The following ACER3 variants were observed in gnomAD, a reference collection of about 807,000 sequenced individuals.
ACER3 encodes alkCDase 3.
ACER3 carries 16 observed loss-of-function variants against 48.9 expected under a neutral mutation model. The observed-to-expected ratio is 0.33, with a 90% CI of 0.22 to 0.50. ACER3 has a LOEUF of 0.50. Among genes scored for constraint, ACER3 ranks in the 20% least tolerant of loss-of-function variants. ACER3 has a pLI of 0.98. For synonymous variants in ACER3, 109 were observed against 107.8 expected, an observed-to-expected ratio of 1.01 and a Z score of -0.07; for missense variants, 227 against 326.0, an observed-to-expected ratio of 0.70 and a Z score of 2.34.
At chr11:76,996,432 T>A (rs113340341) in intron 6 of ACER3, among the ~76,000 whole-genome samples, 107 of 142,776 alleles carry the variant, frequency 7.5e-4, no homozygotes, top group African/African-American at 2.2e-3. Context: ...TATTATTATT[T>A]TTTGAGACAG....
chr11:76,920,606 G>T (rs1480373987), intron 1 of ACER3, among the ~76,000 whole-genome samples: 1 of 147,846 alleles, frequency 6.8e-6, no homozygotes, highest in Non-Finnish European at 1.5e-5. Flanking sequence ...AAATTACTCT[G>T]GTTTATCTTT....
chr11:76,919,505 G>T (rs1456032623), intron 1 of ACER3, among the ~76,000 whole-genome samples: 2 of 152,058 alleles, frequency 1.3e-5, no homozygotes, highest in African/African-American at 2.4e-5. Flanking sequence ...GTGTTTGGGG[G>T]TATAAAAATA....
chr11:76,965,714 C>T (rs2135087349), intron 3 of ACER3, among the ~76,000 whole-genome samples: 1 of 151,064 alleles, frequency 6.6e-6, no homozygotes, highest in East Asian at 1.9e-4. Flanking sequence ...AACTAAGCTT[C>T]ATAAGTGAAG....
chr11:76,954,034 G>A (rs978810238), intron 2 of ACER3, among the ~76,000 whole-genome samples: 1 of 148,342 alleles, frequency 6.7e-6, no homozygotes, highest in South Asian at 2.1e-4. Context: ...CACAACCTCC[G>A]CCACCCAGGT....
In ACER3 at chr11:76,938,703, G is replaced by A. The variant is rs144551452; in HGVS notation, c.214+12036G>A. On this transcript the variant is annotated intron_variant, in intron 2 of 10. Transcript: ENST00000532485. ...ACAGATTTGGATGAGCGAAGGCAAG[G>A]AAAAAACCCTGTGGTACTGGATTGG... Among the ~76,000 whole-genome samples, 34 of 152,178 alleles carry A rather than the reference G, an allele frequency of 2.2e-4. 1 individual carries two copies. In the East Asian group the frequency reaches 5.8e-3, roughly 26 times the overall value.
chr11:76,863,394 G>T (rs1385667857), intron 1 of ACER3, among the ~76,000 whole-genome samples: 4 of 152,136 alleles, frequency 2.6e-5, no homozygotes, highest in Non-Finnish European at 5.9e-5. Flanking sequence ...GGAGGGTTTT[G>T]ACATAGGAAT....
intron 2 of ACER3, among the ~76,000 whole-genome samples, chr11:76,934,742 G>A (rs1001680700): frequency 3.6e-4 from 50 of 137,404 alleles, no homozygotes; most frequent in Admixed American, 7.4e-4. Flanking sequence ...GAGAGGGAGA[G>A]GGAGACCGTG....
intron 3 of ACER3, among the ~76,000 whole-genome samples, chr11:76,964,860 G>GA (rs1948096792): frequency 6.6e-6 from 1 of 151,174 alleles, no homozygotes; most frequent in South Asian, 2.1e-4. Context: ...ATGAAGATGG[G>GA]AAAAAACAGA....
intron 2 of ACER3, among the ~76,000 whole-genome samples, chr11:76,928,976 A>C (rs920164418): frequency 3.3e-5 from 5 of 152,154 alleles, no homozygotes; most frequent in Admixed American, 6.5e-5. Context: ...ACTTTAAAGT[A>C]GGTTTTTCCA....
intron 7 of ACER3, among the ~76,000 whole-genome samples, chr11:77,007,723 C>G (rs1949183364): frequency 6.6e-6 from 1 of 152,168 alleles, no homozygotes; most frequent in Non-Finnish European, 1.5e-5. Flanking sequence ...GAATAAGGAA[C>G]TAATTACTGT....
intron 3 of ACER3, among the ~76,000 whole-genome samples, chr11:76,964,231 G>C (rs1247869992): frequency 3.3e-5 from 5 of 151,366 alleles, no homozygotes; most frequent in Non-Finnish European, 7.3e-5. Context: ...ACAGCAGTCT[G>C]AGATCAAATT....
chr11:76,979,376 G>A (rs1428756597), intron 4 of ACER3, among the ~76,000 whole-genome samples: 1 of 152,148 alleles, frequency 6.6e-6, no homozygotes, highest in Non-Finnish European at 1.5e-5. Context: ...AACAATAAAA[G>A]TAAGAATGCC....
intron 2 of ACER3, among the ~76,000 whole-genome samples, chr11:76,956,274 G>C (rs1947836624): frequency 6.6e-6 from 1 of 152,156 alleles, no homozygotes; most frequent in Non-Finnish European, 1.5e-5. Context: ...ATTGCATAGA[G>C]AATGCTGTTC....
At chr11:76,972,736 G>A (rs1371409285) in intron 3 of ACER3, among the ~76,000 whole-genome samples, 1 of 152,054 alleles carries the variant, frequency 6.6e-6, no homozygotes, top group Admixed American at 6.5e-5. Flanking sequence ...GGGTGCATGT[G>A]TCTCCCTCGA....
chr11:76,891,671 C>T (rs1322864322), intron 1 of ACER3, among the ~76,000 whole-genome samples: 1 of 152,100 alleles, frequency 6.6e-6, no homozygotes, highest in African/African-American at 2.4e-5. Flanking sequence ...AGCCCTCAAC[C>T]TGTGGTTTCT....
intron 3 of ACER3, among the ~76,000 whole-genome samples, chr11:76,965,222 G>A (rs563413670): frequency 1.1e-4 from 16 of 151,354 alleles, no homozygotes; most frequent in Non-Finnish European, 1.8e-4. Context: ...GATGGAAGAC[G>A]AAATGAATGA....
chr11:76,904,112 A>G (rs1946154390), intron 1 of ACER3, among the ~76,000 whole-genome samples: 1 of 152,052 alleles, frequency 6.6e-6, no homozygotes, highest in Non-Finnish European at 1.5e-5. Context: ...TCAGTCTCCC[A>G]AGTAGCTAGG....
chr11:76,939,408 T>G (rs1442641922), intron 2 of ACER3, among the ~76,000 whole-genome samples: 1 of 152,172 alleles, frequency 6.6e-6, no homozygotes, highest in Non-Finnish European at 1.5e-5. Flanking sequence ...CTGGGCAACA[T>G]AGTGAGACCT....
chr11:76,914,248 A>G (rs539897400), intron 1 of ACER3, among the ~76,000 whole-genome samples: 2 of 152,350 alleles, frequency 1.3e-5, no homozygotes, highest in South Asian at 2.1e-4. Context: ...AACTATCATC[A>G]GAGTGAACAG....
Sources: allele counts gnomAD v4.1 joint callset (sites outside exome capture counted in the v4.1 genomes callset), GRCh38; gene constraint gnomAD v4.1.1; transcripts MANE v1.5; gene names NCBI Gene and HGNC (gene_info 2026-07-23, HGNC 2026-07-21).